The following ATP2C1 variants were observed in gnomAD, a reference collection of about 807,000 sequenced individuals.
ATP2C1 encodes calcium-transporting ATPase type 2C member 1.
ATP2C1 carries 31 observed loss-of-function variants against 120.5 expected under a neutral mutation model. The observed-to-expected ratio is 0.26, with a 90% CI of 0.19 to 0.35. ATP2C1 has a LOEUF of 0.35. Among genes scored for constraint, ATP2C1 ranks in the 10% least tolerant of loss-of-function variants. ATP2C1 has a pLI of 1.00. For missense variants in ATP2C1, 731 were observed against 1,107.5 expected (o/e 0.66, Z 4.83); for synonymous variants, 351 against 358.7 (o/e 0.98, Z 0.24).
chr3:130,870,252 A>C (rs2068388245), intron 1 of ATP2C1, among the ~76,000 whole-genome samples: 1 of 152,214 alleles, frequency 6.6e-6, no homozygotes, highest in Admixed American at 6.5e-5. Flanking sequence ...CATGAGGTAA[A>C]AGGAGAATAA....
chr3:130,954,603 A>G (rs750275672), intron 9 of ATP2C1, among the ~76,000 whole-genome samples: 8 of 152,112 alleles, frequency 5.3e-5, no homozygotes, highest in Non-Finnish European at 8.8e-5. Flanking sequence ...CTCCTGCCTC[A>G]GCCTCCTGTG....
At chr3:131,005,109 C>CTTT (rs35129703), downstream of ATP2C1, among the ~76,000 whole-genome samples, 444 of 92,568 alleles carry the variant, frequency 4.8e-3, 15 homozygotes, top group African/African-American at 0.013. Context: ...TTTGAATTGT[C>CTTT]TTTTTTTTTT....
At chr3:130,943,439 A>G (rs1292021844) in intron 8 of ATP2C1, among the ~76,000 whole-genome samples, 1 of 151,668 alleles carries the variant, frequency 6.6e-6, no homozygotes, top group South Asian at 2.1e-4. Flanking sequence ...CTGGTTTTGA[A>G]CTCCTGACCT....
At chr3:131,016,017 A>G (rs1233835635) in intron 26 of ATP2C1, 6 of 1,205,598 alleles carry the variant, frequency 5.0e-6, no homozygotes, top group Admixed American at 2.0e-5. Context: ...AATCAATTAC[A>G]TTAAGATTAG....
At chr3:130,928,349 A>G (rs2059306035) in intron 2 of ATP2C1, 1 of 152,176 alleles carries the variant, frequency 6.6e-6, no homozygotes, top group Non-Finnish European at 1.5e-5. Flanking sequence ...ATTATATGAA[A>G]TAATACCGTT....
chr3:130,967,181 A>T lies in ATP2C1; in HGVS notation c.1159A>T (p.Ile387Phe), dbSNP rs2061084286. Residue 387 changes from isoleucine (I) to phenylalanine (F), a missense_variant, in exon 15 of 28, where the codon ATT becomes TTT. Around this residue, in one of 3 missense-constraint regions of ATP2C1, gnomAD observed 571 missense variants for 845.9 expected, o/e 0.67. Coordinates refer to ENST00000510168, the MANE Select transcript of ATP2C1 (RefSeq NM_001378687.1). Reference protein sequence around the residue: ...GVGYNQFGEVIVDGDVVHGFY... With the variant: ...GVGYNQFGEVFVDGDVVHGFY... ...TGGCTATAATCAATTTGGGGAAGTG[A>T]TTGTTGATGGTGATGTTGTTCATGG... 2 of 1,613,766 alleles carry T rather than the reference A, an allele frequency of 1.2e-6. No homozygotes were observed. Among genetic ancestry groups the T allele is most frequent in the Non-Finnish European group, 1.7e-6 (2 of 1,179,804 alleles).
At chr3:130,955,235 T>C (rs1209831666) in intron 10 of ATP2C1, among the ~76,000 whole-genome samples, 155 bp downstream of exon 10, 2 of 152,178 alleles carry the variant, frequency 1.3e-5, no homozygotes, top group Non-Finnish European at 2.9e-5. Flanking sequence ...TTGGAAAGCC[T>C]GTAATTGAAA....
chr3:130,894,186 C>T lies in ATP2C1; in HGVS notation c.-332C>T, dbSNP rs2069362933. On this transcript the variant is annotated 5_prime_UTR_variant, in exon 1 of 28. Transcript: ENST00000510168. The surrounding 1 kb of genome is among the most constrained non-coding windows in gnomAD (Gnocchi z 4.5). ...CCGCCCTCTCTCCCTCCCTTCCTCC[C>T]TCCCGCTCGCTTCTTCTCACGCCGG... is the stretch of plus-strand genomic sequence containing the variant. 3.1e-6 allele frequency: 3 copies of T among 981,744 alleles called. No homozygotes were observed. The highest frequency in any genetic ancestry group is 1.2e-4 in the Admixed American group (2 of 16,322). The allele number at this position is 981,744 out of a possible 1,614,324, so 60.8% of individuals were successfully genotyped here.
At chr3:130,957,456 T>G (rs1023577065) in intron 11 of ATP2C1, among the ~76,000 whole-genome samples, 1 of 152,200 alleles carries the variant, frequency 6.6e-6, no homozygotes, top group Non-Finnish European at 1.5e-5. Context: ...TTATCACACA[T>G]TAAGCACTTG....
rs59581010 is a variant in ATP2C1, at chr3:130,867,296, GTCCCTCTCCCTCTCCCTCTCCCTC to G, written c.108+16387_108+16410del. Among the ~76,000 whole-genome samples the G allele has an allele frequency of 2.6e-3, 354 of 134,952 alleles. 2 individuals carry two copies. Among genetic ancestry groups the G allele is most frequent in the Admixed American group, 4.6e-3 (62 of 13,594 alleles). 88.5% of individuals were successfully genotyped at this position (134,952 alleles called of 152,430 possible). A position where few individuals can be genotyped will look rare whatever the true frequency, so the allele number is the denominator to read the frequency against. On this transcript the variant is annotated intron_variant, in intron 1 of 26. Transcript: ENST00000504381. ...TTTAAATCAAAAAATAGAAATGATT[GTCCCTCTCCCTCTCCCTCTCCCTC>G]TCCCTCTCCCTCTCCCTCACGGTCT...
At chr3:130,948,709 A>T (rs540574828) in intron 8 of ATP2C1, among the ~76,000 whole-genome samples, 5 of 152,174 alleles carry the variant, frequency 3.3e-5, no homozygotes, top group East Asian at 1.9e-4. Context: ...CATTTAAAAA[A>T]ATATATTAAT....
chr3:130,895,127 A>G (rs1385810840), intron 2 of ATP2C1, among the ~76,000 whole-genome samples: 1 of 152,150 alleles, frequency 6.6e-6, no homozygotes, highest in East Asian at 1.9e-4. Flanking sequence ...ATGGGGGACA[A>G]GGGGATGGGG....
intron 1 of ATP2C1, among the ~76,000 whole-genome samples, chr3:130,886,438 T>C (rs1188041038): frequency 6.6e-6 from 1 of 152,192 alleles, no homozygotes; most frequent in East Asian, 1.9e-4. Flanking sequence ...TCCCCATCTT[T>C]TTCTCTACGT....
intron 8 of ATP2C1, among the ~76,000 whole-genome samples, chr3:130,945,110 C>CT (rs1165604972): frequency 1.3e-5 from 2 of 152,072 alleles, no homozygotes; most frequent in African/African-American, 4.8e-5. Flanking sequence ...TGGCAGTGGC[C>CT]TTTCCAGCAG....
At chr3:130,980,753 G>T in intron 20 of ATP2C1, 74 bp downstream of exon 20, 4 of 1,120,322 alleles carry the variant, frequency 3.6e-6, no homozygotes, top group Non-Finnish European at 5.4e-6. Flanking sequence ...CTATCTTAAT[G>T]AAACTGTTTA....
At chr3:130,885,352 A>C (rs2068938456) in intron 1 of ATP2C1, among the ~76,000 whole-genome samples, 1 of 152,086 alleles carries the variant, frequency 6.6e-6, no homozygotes, top group Non-Finnish European at 1.5e-5. Flanking sequence ...TATTATTGAT[A>C]AGTAGAGACT....
intron 1 of ATP2C1, among the ~76,000 whole-genome samples, chr3:130,869,650 C>A (rs1477219456): frequency 6.6e-6 from 1 of 152,110 alleles, no homozygotes; most frequent in East Asian, 1.9e-4. Flanking sequence ...GAAGTTTGAG[C>A]GGTCTGGATA....
At chr3:130,877,299 A>T (rs1358344328) in intron 1 of ATP2C1, among the ~76,000 whole-genome samples, 1 of 152,148 alleles carries the variant, frequency 6.6e-6, no homozygotes, top group Non-Finnish European at 1.5e-5. Flanking sequence ...TTTATCTTTC[A>T]ATTGGGGGGA....
At chr3:130,964,337 T>C (rs1294998845) in intron 13 of ATP2C1, among the ~76,000 whole-genome samples, 2 of 152,004 alleles carry the variant, frequency 1.3e-5, no homozygotes, top group African/African-American at 4.8e-5. Flanking sequence ...GTTAAGAAAA[T>C]CCATACAACA....
Sources: allele counts gnomAD v4.1 joint callset (sites outside exome capture counted in the v4.1 genomes callset), GRCh38; gene constraint gnomAD v4.1.1; regional missense constraint gnomAD v4.1.1; non-coding constraint Gnocchi (gnomAD v3.1); transcripts MANE v1.5; gene names NCBI Gene and HGNC (gene_info 2026-07-23, HGNC 2026-07-21).